ZNF595: variants seen among roughly 807,000 people sequenced by gnomAD.
ZNF595 encodes the protein zinc finger protein 595.
A neutral mutation model predicts 19.4 loss-of-function variants in ZNF595; 9 were observed. That is an observed-to-expected ratio of 0.46 (90% CI 0.28 to 0.81). The LOEUF is 0.81. ZNF595 is among the 30% of genes least tolerant of loss of function. The pLI is 0.11. For synonymous variants in ZNF595, 255 were observed against 255.9 expected (o/e 1.00, Z 0.03); for missense variants, 729 against 736.0 (o/e 0.99, Z 0.11).
At chr4:78,125 C>T (rs1553799096) in intron 3 of ZNF595, among the ~76,000 whole-genome samples, 1 of 152,182 alleles carries the variant, frequency 6.6e-6, no homozygotes, top group African/African-American at 2.4e-5. Context: ...TCTCCTGTCT[C>T]AGCCTCCCGA....
In ZNF595 at chr4:87,010, T is replaced by A; in HGVS notation, c.1506T>A (p.His502Gln). Residue 502 changes from histidine (H) to glutamine (Q), a missense_variant, in exon 4 of 4, where the codon CAT (histidine) becomes CAA (glutamine). By Grantham distance (24) the His-to-Gln change is conservative. Coordinates refer to ENST00000610261, the MANE Select transcript of ZNF595 (RefSeq NM_182524.4). Reference protein sequence around the residue: ...SASLNEHKNIHTGEKPYKCKE... With the variant: ...SASLNEHKNIQTGEKPYKCKE... ...GCCTGAATGAACATAAGAATATTCA[T>A]ACTGGAGAGAAACCCTACAAATGTA... The A allele has an allele frequency of 6.2e-7, 1 of 1,614,020 alleles. No individual in the cohort carries two copies. Among genetic ancestry groups the A allele is most frequent in the Non-Finnish European group, 8.5e-7 (1 of 1,179,974 alleles).
At chr4:84,199 A>G (rs1714041164) in intron 3 of ZNF595, among the ~76,000 whole-genome samples, 1 of 152,100 alleles carries the variant, frequency 6.6e-6, no homozygotes, top group Admixed American at 6.5e-5. Flanking sequence ...GATCATTTTT[A>G]TGCTCTTTAA....
intron 3 of ZNF595, among the ~76,000 whole-genome samples, chr4:76,827 T>G (rs1173015007): frequency 2.6e-5 from 4 of 152,208 alleles, no homozygotes; most frequent in African/African-American, 9.6e-5. Context: ...GATAACCTTA[T>G]AGGGGTTCCC....
chr4:78,718 T>C (rs1359922076), intron 3 of ZNF595, among the ~76,000 whole-genome samples: 1 of 152,170 alleles, frequency 6.6e-6, no homozygotes, highest in African/African-American at 2.4e-5. Context: ...AAACATTTTC[T>C]TTCTTTCTTT....
chr4:87,457 A>G lies in ZNF595; in HGVS notation c.*6A>G. ...CTGGCAAGGAACATAGTTGAATGAC[A>G]TTTCTAGTAATCTCTAATTCCAGTG... On this transcript the variant is annotated 3_prime_UTR_variant, in exon 4 of 4. Transcript: ENST00000610261. 6.5e-7 allele frequency: 1 copy of G among 1,549,752 alleles called. No individual in the cohort carries two copies. The highest frequency in any genetic ancestry group is 8.7e-7 in the Non-Finnish European group (1 of 1,147,630).
At chr4:70,378 C>A (rs1367200377) in intron 3 of ZNF595, among the ~76,000 whole-genome samples, 1 of 151,524 alleles carries the variant, frequency 6.6e-6, no homozygotes, top group Non-Finnish European at 1.5e-5. Flanking sequence ...TGCTCTGTCA[C>A]CCAGGCTGGA....
At chr4:73,272 A>G (rs1553798139) in intron 3 of ZNF595, among the ~76,000 whole-genome samples, 1 of 152,168 alleles carries the variant, frequency 6.6e-6, no homozygotes, top group African/African-American at 2.4e-5. Flanking sequence ...AGAGAGCAGA[A>G]TGGAGAATGG....
In ZNF595 at chr4:86,389, G is replaced by T. The variant is rs782350052; in HGVS notation, c.885G>T (p.Trp295Cys). 5 of 1,613,052 alleles carry T rather than the reference G, an allele frequency of 3.1e-6. No individual in the cohort carries two copies. Among genetic ancestry groups the T allele is most frequent in the African/African-American group, 2.7e-5 (2 of 74,780 alleles). ...KCKECGKAFR[W>C]STSLNEHKNI... The stretch of plus-strand genomic sequence containing the variant: ...AAGAATGTGGCAAAGCCTTTAGATG[G>T]TCCACAAGCCTGAATGAACATAAGA... Residue 295 changes from tryptophan (W) to cysteine (C), a missense_variant, in exon 4 of 4, where the codon TGG becomes TGT. Trp to Cys is a radical substitution (Grantham distance 215). Transcript: ENST00000610261.
At chr4:71,366 A>G (rs1294610641) in intron 3 of ZNF595, among the ~76,000 whole-genome samples, 1 of 152,122 alleles carries the variant, frequency 6.6e-6, no homozygotes, top group Non-Finnish European at 1.5e-5. Context: ...TACTATGTCG[A>G]ATAACAGTGG....
intron 3 of ZNF595, among the ~76,000 whole-genome samples, chr4:75,134 G>A (rs1713595303): frequency 6.6e-6 from 1 of 151,752 alleles, no homozygotes; most frequent in Admixed American, 6.6e-5. Context: ...GACTATTAAC[G>A]TATGTGTGTC....
intron 3 of ZNF595, among the ~76,000 whole-genome samples, chr4:71,362 G>A (rs1276680714): frequency 7.2e-5 from 11 of 151,970 alleles, no homozygotes; most frequent in African/African-American, 2.7e-4. Context: ...CCAATACTAT[G>A]TCGAATAACA....
At chr4:80,265 C>T (rs781828677) in intron 3 of ZNF595, among the ~76,000 whole-genome samples, 3 of 152,244 alleles carry the variant, frequency 2.0e-5, no homozygotes, top group Non-Finnish European at 2.9e-5. Context: ...GTGATCCACC[C>T]GCCTCGGCCT....
chr4:72,346 T>C (rs1553798011), intron 3 of ZNF595, among the ~76,000 whole-genome samples: 3 of 152,178 alleles, frequency 2.0e-5, no homozygotes, highest in Admixed American at 2.0e-4. Flanking sequence ...GGCTTAGTTA[T>C]AAAAATATTA....
intron 3 of ZNF595, among the ~76,000 whole-genome samples, chr4:71,566 T>G (rs1356755489): frequency 6.6e-6 from 1 of 152,126 alleles, no homozygotes; most frequent in Non-Finnish European, 1.5e-5. Context: ...CCATGTCTCT[T>G]GGAATGTCTA....
intron 3 of ZNF595, 145 bp from the exon 4 acceptor site, chr4:85,586 C>T (rs1560093658): frequency 2.0e-6 from 2 of 1,003,914 alleles, no homozygotes; most frequent in Admixed American, 3.1e-5. Context: ...ATCTTTGTTA[C>T]ATGTCTGTGA....
At chr4:83,057 A>G (rs1488466037) in intron 3 of ZNF595, among the ~76,000 whole-genome samples, 2 of 152,122 alleles carry the variant, frequency 1.3e-5, no homozygotes, top group South Asian at 2.1e-4. Context: ...TAAGACACAC[A>G]TACACACACA....
intron 3 of ZNF595, among the ~76,000 whole-genome samples, chr4:83,232 A>C (rs184970249): frequency 6.6e-6 from 1 of 152,102 alleles, no homozygotes; most frequent in East Asian, 1.9e-4. Flanking sequence ...TATAATTTTG[A>C]CCTCTTCTGT....
intron 3 of ZNF595, among the ~76,000 whole-genome samples, chr4:82,107 T>C (rs1240502142): frequency 3.9e-5 from 6 of 152,258 alleles, no homozygotes; most frequent in Admixed American, 2.6e-4. Flanking sequence ...TTTGTATATG[T>C]TTTGATATCA....
Position 61,288 on chromosome 4 carries a change from A to C in ZNF595, c.226+1135A>C, listed in dbSNP as rs1712851646. Among the ~76,000 whole-genome samples, 3 of 152,402 alleles carry C rather than the reference A, an allele frequency of 2.0e-5. No individual in the cohort carries two copies. In the South Asian group the frequency reaches 6.2e-4, roughly 32 times the overall value. On this transcript the variant is annotated intron_variant, in intron 3 of 3. Transcript: ENST00000610261. ...CGGGTTCAAATGGTTCTTCTGCCTC[A>C]GCCTCCTGAGTAGCTGGGATTACAG...
Sources: allele counts gnomAD v4.1 joint callset (sites outside exome capture counted in the v4.1 genomes callset), GRCh38; gene constraint gnomAD v4.1.1; transcripts MANE v1.5; gene names NCBI Gene and HGNC (gene_info 2026-07-23, HGNC 2026-07-21).